The following PGBD2 variants were observed in gnomAD, a reference collection of about 807,000 sequenced individuals.
PGBD2 encodes piggyBac transposable element-derived protein 2.
Under a neutral mutation model 8.1 loss-of-function variants are expected in PGBD2, and 6 were observed. The ratio of observed to expected loss-of-function variants is 0.74; its 90% confidence interval spans 0.40 to 1.46. The LOEUF (loss-of-function observed/expected upper bound fraction) is 1.46. PGBD2 is among the 40% of genes most tolerant of loss of function. The pLI is 0.02. For missense variants in PGBD2, 802 were observed against 739.0 expected (o/e 1.09, Z -0.99); for synonymous variants, 318 against 272.2 (o/e 1.17, Z -1.66).
At chr1:248,880,184 ATCTGC>A in the PGBD2 span, among the ~76,000 whole-genome samples, 4 of 152,158 alleles carry the variant, frequency 2.6e-5, no homozygotes, top group African/African-American at 9.7e-5. Flanking sequence ...TGTCTTGTGA[ATCTGC>A]TCCATGAGAA....
chr1:248,883,417 C>G, the PGBD2 span, among the ~76,000 whole-genome samples: 1 of 151,882 alleles, frequency 6.6e-6, no homozygotes, highest in East Asian at 1.9e-4. Context: ...CCACTGCACC[C>G]GGTCCTTTGC....
At chr1:248,926,327 C>G in the PGBD2 span, among the ~76,000 whole-genome samples, 1 of 152,100 alleles carries the variant, frequency 6.6e-6, no homozygotes, top group Non-Finnish European at 1.5e-5. Context: ...TTATATTACA[C>G]TATTACATAA....
the PGBD2 span, among the ~76,000 whole-genome samples, chr1:248,875,640 G>A: frequency 0.036 from 5,420 of 152,168 alleles, 318 homozygotes; most frequent in African/African-American, 0.12. Context: ...ATGAGCCTAT[G>A]CACCTAATTT....
chr1:248,882,226 T>G, the PGBD2 span, among the ~76,000 whole-genome samples: 6,923 of 152,184 alleles, frequency 0.045, 500 homozygotes, highest in African/African-American at 0.16. Context: ...CAGCATTTAT[T>G]ATTAAGTTTA....
intron 2 of PGBD2, among the ~76,000 whole-genome samples, chr1:248,915,934 T>G (rs1045819760): frequency 6.6e-6 from 1 of 151,790 alleles, no homozygotes; most frequent in African/African-American, 2.4e-5. Context: ...GGGACAGGAG[T>G]GGGTGTCACT....
upstream of PGBD2, among the ~76,000 whole-genome samples, chr1:248,904,293 C>T (rs75129841): frequency 0.025 from 3,825 of 150,224 alleles, 113 homozygotes; most frequent in African/African-American, 0.073. Flanking sequence ...TTTTTTTTTC[C>T]CAATTCCTAT....
Position 248,916,267 on chromosome 1 carries a change from A to G in PGBD2, c.18-335A>G, listed in dbSNP as rs139954022. Among the ~76,000 whole-genome samples, 481 of 152,190 alleles carry G rather than the reference A, an allele frequency of 3.2e-3. 5 individuals are homozygous for G. The highest frequency in any genetic ancestry group is 0.011 in the African/African-American group (445 of 41,504). ...TCTCTACTAAAAATATAAAAAAATT[A>G]GCCGGGCATGGTGGCACGCACCTGT... On this transcript the variant is annotated intron_variant, in intron 2 of 2. Coordinates refer to ENST00000329291, the MANE Select transcript of PGBD2 (RefSeq NM_170725.3).
rs144165918 is a variant in PGBD2 at position 248,909,345 on chromosome 1, GA to G, written c.-48+3004del. ...AGTCCACTGTATTAGATTCTTCACTGACAGGTATTTCCTATGCGTGGTTTCA... is the reference window on the plus strand; with the variant it reads ...AGTCCACTGTATTAGATTCTTCACTGCAGGTATTTCCTATGCGTGGTTTCA... On this transcript the variant is annotated intron_variant, in intron 1 of 2. Transcript: ENST00000329291. Among the ~76,000 whole-genome samples the G allele has an allele frequency of 3.7e-3, 569 of 152,274 alleles. 1 individual carries two copies. The highest frequency in any genetic ancestry group is 0.013 in the African/African-American group (526 of 41,540).
chr1:248,916,722 T>C lies in PGBD2; in HGVS notation c.138T>C (p.Pro46=), dbSNP rs1662109448. 1 of 1,613,944 alleles carries C rather than the reference T, an allele frequency of 6.2e-7. No individual in the cohort carries two copies. Among genetic ancestry groups the C allele is most frequent in the Non-Finnish European group, 8.5e-7 (1 of 1,180,022 alleles). ...ACAGGGAAGAGATTTTCATTGCACC[T>C]CCCGACAATGCTGCGGGGGAATTCA... ...NNNREEIFIA[P]PDNAAGEFTD... The change falls in exon 3 of 3, where the codon CCT becomes CCC. Residue 46 remains proline, a synonymous_variant. Coordinates refer to ENST00000329291, the MANE Select transcript of PGBD2 (RefSeq NM_170725.3).
chr1:248,917,707 C>A lies in PGBD2; in HGVS notation c.1123C>A (p.Arg375Ser). ...GGGGGTGAAAGCCACAGGAACTGTT[C>A]GTGAGTACAGGACTGAGCGATGTCC... ...KKGVKATGTV[R>S]EYRTERCPLK... Residue 375 changes from arginine to serine, a missense_variant, in exon 3 of 3, where the codon CGT becomes AGT. Transcript: ENST00000329291. 5 of 1,614,048 alleles carry A rather than the reference C, an allele frequency of 3.1e-6. No homozygotes were observed. The highest frequency in any genetic ancestry group is 1.1e-5 in the South Asian group (1 of 91,064).
chr1:248,913,038 G>A (rs1395199709), intron 1 of PGBD2, among the ~76,000 whole-genome samples: 1 of 152,034 alleles, frequency 6.6e-6, no homozygotes, highest in Non-Finnish European at 1.5e-5. Flanking sequence ...CCGACCTCAG[G>A]TGATCTGCCC....
At chr1:248,914,726 G>T (rs1316381678) in intron 2 of PGBD2, among the ~76,000 whole-genome samples, 1 of 152,196 alleles carries the variant, frequency 6.6e-6, no homozygotes, top group African/African-American at 2.4e-5. Flanking sequence ...TGTGTTTACA[G>T]CCTAGATATG....
At chr1:248,887,995 G>C in the PGBD2 span, among the ~76,000 whole-genome samples, 4 of 152,242 alleles carry the variant, frequency 2.6e-5, no homozygotes, top group African/African-American at 9.6e-5. Flanking sequence ...CCACTACTAA[G>C]TGAGAACACA....
At chr1:248,911,719 C>T (rs1661891155) in intron 1 of PGBD2, among the ~76,000 whole-genome samples, 1 of 150,712 alleles carries the variant, frequency 6.6e-6, no homozygotes, top group Non-Finnish European at 1.5e-5. Flanking sequence ...CCCTCACCTC[C>T]CGGACGGGGC....
chr1:248,918,182 C>T lies in PGBD2; in HGVS notation c.1598C>T (p.Ser533Phe). 1 of 1,614,182 alleles carries T rather than the reference C, an allele frequency of 6.2e-7. No homozygotes were observed. The highest frequency in any genetic ancestry group is 8.5e-7 in the Non-Finnish European group (1 of 1,180,034). ...CTGGAGAGCAATGCTGACACAACAT[C>T]TCAAGGGAGGCGAAGCAGGCGGTTG... ...VYLESNADTT[S>F]QGRRSRRLET... is the part of the protein sequence containing the mutation. Residue 533 changes from serine to phenylalanine, a missense_variant, in exon 3 of 3, where the codon TCT (serine) becomes TTT (phenylalanine). Ser to Phe is a radical substitution (Grantham distance 155). Coordinates refer to ENST00000329291, the MANE Select transcript of PGBD2 (RefSeq NM_170725.3).
upstream of PGBD2, among the ~76,000 whole-genome samples, chr1:248,904,214 A>G (rs1346170425): frequency 1.3e-5 from 2 of 152,000 alleles, no homozygotes; most frequent in Non-Finnish European, 2.9e-5. Flanking sequence ...TATTTAGCCT[A>G]TTTCTCAATT....
At chr1:248,927,910 A>G in the PGBD2 span, among the ~76,000 whole-genome samples, 2 of 152,214 alleles carry the variant, frequency 1.3e-5, no homozygotes, top group South Asian at 2.1e-4. Context: ...AACTTCATGA[A>G]CCAAAACCAA....
At chr1:248,913,126 A>T (rs1410973149) in intron 1 of PGBD2, among the ~76,000 whole-genome samples, 1 of 152,048 alleles carries the variant, frequency 6.6e-6, no homozygotes, top group East Asian at 1.9e-4. Context: ...TTATAAAAAG[A>T]ACTAACAGAT....
chr1:248,909,274 G>A (rs1400055718), intron 1 of PGBD2, among the ~76,000 whole-genome samples: 4 of 152,178 alleles, frequency 2.6e-5, no homozygotes, highest in Non-Finnish European at 5.9e-5. Context: ...GGTAGAATGG[G>A]TTTTTGCTGA....
Sources: allele counts gnomAD v4.1 joint callset (sites outside exome capture counted in the v4.1 genomes callset), GRCh38; gene constraint gnomAD v4.1.1; transcripts MANE v1.5; gene names NCBI Gene and HGNC (gene_info 2026-07-23, HGNC 2026-07-21).